KCNK2: variants seen among roughly 807,000 people sequenced by gnomAD.
The protein encoded by KCNK2 is potassium channel subfamily K member 2.
A neutral mutation model predicts 40.5 loss-of-function variants in KCNK2; 21 were observed. That is an observed-to-expected ratio of 0.52 (90% CI 0.37 to 0.75). The LOEUF (loss-of-function observed/expected upper bound fraction) is 0.75. Among genes scored for constraint, KCNK2 ranks in the 30% least tolerant of loss-of-function variants. KCNK2 has a pLI of 0.00. For missense variants in KCNK2, 399 were observed against 531.6 expected (o/e 0.75, Z 2.45); for synonymous variants, 191 against 202.2 (o/e 0.94, Z 0.47).
chr1:215,223,665 C>T (rs1483803440), intron 6 of KCNK2, among the ~76,000 whole-genome samples: 4 of 152,100 alleles, frequency 2.6e-5, no homozygotes, highest in Admixed American at 2.6e-4. Flanking sequence ...TTGCTATTTT[C>T]ACATTTCCAA....
At chr1:215,083,497 G>C (rs889164193) in intron 1 of KCNK2, 66 bp downstream of exon 1, 4 of 1,206,584 alleles carry the variant, frequency 3.3e-6, no homozygotes, top group Non-Finnish European at 3.7e-6. Flanking sequence ...GCCTTTTCTG[G>C]GAGGACTGCA....
At chr1:215,177,755 A>G (rs1309159602) in intron 5 of KCNK2, among the ~76,000 whole-genome samples, 1 of 39,932 alleles carries the variant, frequency 2.5e-5, no homozygotes, top group Non-Finnish European at 6.4e-5. Context: ...TTTTTTTTGT[A>G]GCAGTACCAT....
intron 3 of KCNK2, among the ~76,000 whole-genome samples, chr1:215,165,109 G>A (rs1185748952): frequency 1.3e-5 from 2 of 152,132 alleles, no homozygotes; most frequent in African/African-American, 4.8e-5. Flanking sequence ...TCTGGCTTTT[G>A]TCTGACTCTT....
intron 4 of KCNK2, among the ~76,000 whole-genome samples, chr1:215,169,958 C>T (rs926613351): frequency 2.6e-5 from 4 of 152,112 alleles, no homozygotes; most frequent in African/African-American, 9.6e-5. Flanking sequence ...ATTTAAATTT[C>T]ATATGTAGTG....
intron 2 of KCNK2, among the ~76,000 whole-genome samples, chr1:215,122,464 C>T (rs980640617): frequency 1.3e-5 from 2 of 152,036 alleles, no homozygotes; most frequent in Non-Finnish European, 2.9e-5. Flanking sequence ...ATAGAATTAG[C>T]TATCTCAAGC....
chr1:215,166,499 T>G (rs550768104), intron 3 of KCNK2, among the ~76,000 whole-genome samples: 12 of 152,276 alleles, frequency 7.9e-5, no homozygotes, highest in African/African-American at 2.9e-4. Context: ...AGAATCAAGC[T>G]GTGTTTTCCA....
intron 1 of KCNK2, among the ~76,000 whole-genome samples, chr1:215,058,702 T>C (rs1268646614): frequency 3.3e-5 from 5 of 152,172 alleles, no homozygotes; most frequent in Non-Finnish European, 5.9e-5. Flanking sequence ...ATCGCCCCCC[T>C]GACCTTTCCA....
chr1:215,095,551 C>A (rs1011477886), intron 2 of KCNK2, among the ~76,000 whole-genome samples: 1 of 152,060 alleles, frequency 6.6e-6, no homozygotes, highest in Non-Finnish European at 1.5e-5. Flanking sequence ...CTGAAAGTGG[C>A]ACAGCAAACG....
chr1:215,169,430 C>T, intron 4 of KCNK2, 71 bp downstream of exon 4: 1 of 1,194,792 alleles, frequency 8.4e-7, no homozygotes, highest in East Asian at 2.6e-5. Flanking sequence ...TCTTTTCTGT[C>T]ACCTCAGATA....
In KCNK2 at chr1:215,094,399, AT is replaced by A. The variant is rs1404553153; in HGVS notation, c.357+7725del. Reference sequence around the variant, plus strand: ...GTATATTAACCTAGTAGCTTGAATTATTTTACCAGATTAACTAGATGCTACT... The same window carrying A: ...GTATATTAACCTAGTAGCTTGAATTATTTACCAGATTAACTAGATGCTACT... On this transcript the variant is annotated intron_variant, in intron 2 of 6. Transcript: ENST00000444842. 9.9e-5 allele frequency among the ~76,000 whole-genome samples: 15 copies of A among 152,174 alleles called. No individual in the cohort carries two copies. The South Asian group carries it at 2.9e-3, about 29-fold the overall frequency.
chr1:215,047,538 A>G (rs1320968307), intron 1 of KCNK2, among the ~76,000 whole-genome samples: 3 of 152,074 alleles, frequency 2.0e-5, no homozygotes, highest in Non-Finnish European at 4.4e-5. Flanking sequence ...TCATAACTTC[A>G]TGATTAAGTT....
At chr1:215,141,371 G>T (rs949444008) in intron 3 of KCNK2, among the ~76,000 whole-genome samples, 1 of 152,054 alleles carries the variant, frequency 6.6e-6, no homozygotes, top group African/African-American at 2.4e-5. Context: ...TTCTATATCA[G>T]CATCACCACA....
intron 3 of KCNK2, among the ~76,000 whole-genome samples, chr1:215,156,855 A>G (rs537836961): frequency 6.6e-6 from 1 of 152,218 alleles, no homozygotes; most frequent in East Asian, 1.9e-4. Context: ...CAGCAAGGGG[A>G]AAGTCCACCC....
At chr1:215,131,943 A>G (rs1370502415) in intron 3 of KCNK2, among the ~76,000 whole-genome samples, 1 of 152,204 alleles carries the variant, frequency 6.6e-6, no homozygotes. Context: ...TATTATGATA[A>G]CAATCACAGA....
chr1:215,105,209 AC>A (rs1660383912), intron 2 of KCNK2, among the ~76,000 whole-genome samples: 1 of 152,082 alleles, frequency 6.6e-6, no homozygotes, highest in Admixed American at 6.6e-5. Flanking sequence ...GAAACCCTAT[AC>A]CCACTGAACA....
rs369763229 is a variant in KCNK2, at chr1:215,028,432, T to G, written c.34+22477T>G. 1.6e-3 allele frequency among the ~76,000 whole-genome samples: 251 copies of G among 152,168 alleles called. No homozygotes were observed. In the Middle Eastern group the frequency reaches 0.02, roughly 12 times the overall value. ...TAAAATAAAATAAAAAATAAAAGAA[T>G]AACTTTTGGGATTCTGTCTCAATTT... On this transcript the variant is annotated intron_variant, in intron 1 of 6. Coordinates refer to the KCNK2 transcript ENST00000391895.
intron 2 of KCNK2, among the ~76,000 whole-genome samples, chr1:215,107,972 A>G (rs1173952382): frequency 6.6e-6 from 1 of 152,078 alleles, no homozygotes; most frequent in Non-Finnish European, 1.5e-5. Flanking sequence ...ATGGAAGACA[A>G]TTTTTCCACA....
intron 6 of KCNK2, among the ~76,000 whole-genome samples, chr1:215,206,017 C>T (rs4375236): frequency 0.17 from 26,115 of 152,032 alleles, 2,421 homozygotes; most frequent in Middle Eastern, 0.31. Context: ...TTTAGTAAAA[C>T]GGAAGCATCA....
intron 1 of KCNK2, among the ~76,000 whole-genome samples, chr1:215,056,566 C>T (rs531527311): frequency 2.5e-4 from 34 of 138,154 alleles, no homozygotes; most frequent in African/African-American, 9.0e-4. Context: ...ATGCCATAGT[C>T]ATGTAAATGT....
Sources: gnomAD v4.1 joint callset for allele counts (sites outside exome capture counted in the v4.1 genomes callset) on GRCh38, gnomAD v4.1.1 for gene constraint, MANE v1.5 for transcripts, NCBI Gene and HGNC (gene_info 2026-07-23, HGNC 2026-07-21) for gene names.